Variants in PAK3 observed in about 807,000 individuals in gnomAD.
PAK3 encodes the protein p21 (RAC1) activated kinase 3.
In PAK3, 4 loss-of-function variants were observed where a neutral mutation model predicts 41.0. The observed-to-expected ratio is 0.10, with a 90% CI of 0.05 to 0.22. The LOEUF is 0.22. Ranked by LOEUF, PAK3 falls within the 10% of genes least tolerant of loss-of-function variation. The probability of loss-of-function intolerance (pLI) is 1.00; values close to 1 mark genes in which losing one functional copy is unlikely to be tolerated. For synonymous variants in PAK3, 146 were observed against 139.6 expected, an observed-to-expected ratio of 1.05 and a Z score of -0.32; for missense variants, 205 against 409.9, an observed-to-expected ratio of 0.50 and a Z score of 4.32.
At chrX:111,032,796 G>A (rs776584351) in intron 1 of PAK3, among the ~76,000 whole-genome samples, 2 of 110,512 alleles carry the variant, frequency 1.8e-5, no homozygotes, top group East Asian at 2.9e-4. Context: ...GTCAGCTCAC[G>A]GGTAACTCAG....
chrX:111,131,269 C>T (rs1487276978), intron 5 of PAK3, among the ~76,000 whole-genome samples: 1 of 110,952 alleles, frequency 9.0e-6, no homozygotes, highest in Admixed American at 9.6e-5. Context: ...AGTGGTGCAC[C>T]TATCATCCCT....
In PAK3 at chrX:111,163,591, T is replaced by C; in HGVS notation, c.630T>C (p.Ile210=). 8.3e-7 allele frequency: 1 copy of C among 1,206,413 alleles called. No homozygotes were observed. Residue 210 remains isoleucine, a synonymous_variant, in exon 10 of 18, where the codon ATT becomes ATC. Coordinates refer to ENST00000372007, the MANE Select transcript of PAK3 (RefSeq NM_002578.5). ...ATACTCGTTCTGTGGTTGAATCCATTGCTTCACCAGCAGTACCAAATAAAG... is the reference window on the plus strand; with the variant it reads ...ATACTCGTTCTGTGGTTGAATCCATCGCTTCACCAGCAGTACCAAATAAAG... The part of the protein sequence containing the change: ...SIYTRSVVES[I]ASPAVPNKEV...
rs887972295 is a variant in PAK3 at position 111,225,478 on chromosome X, A to G, written c.*5031A>G. On this transcript the variant is annotated 3_prime_UTR_variant, in exon 18 of 18. Transcript: ENST00000372007. ...ATCGGAGTCTCCTTTAGAAGCTGCC[A>G]TCAGGCAAATGCTATCCCATAATAC... 1.8e-5 allele frequency: 2 copies of G among 112,175 alleles called. No individual in the cohort carries two copies. Among genetic ancestry groups the G allele is most frequent in the East Asian group, 5.7e-4 (2 of 3,536 alleles). 9.2% of individuals were successfully genotyped at this position (112,175 alleles called of 1,213,427 possible). A position where few individuals can be genotyped will look rare whatever the true frequency, so the allele number is the denominator to read the frequency against.
At chrX:111,145,061 A>G (rs1234527833) in intron 6 of PAK3, 6 of 360,246 alleles carry the variant, frequency 1.7e-5, no homozygotes, top group Admixed American at 1.3e-4. Context: ...ACAGTCAGAC[A>G]TTGATATGTG....
At chrX:111,027,374 A>G (rs1244379532) in intron 1 of PAK3, among the ~76,000 whole-genome samples, 2 of 112,458 alleles carry the variant, frequency 1.8e-5, no homozygotes, top group African/African-American at 6.5e-5. Flanking sequence ...AGCAGAGTTA[A>G]CAGACAACCC....
intron 1 of PAK3, among the ~76,000 whole-genome samples, chrX:111,084,333 T>C (rs1159282199): frequency 1.8e-5 from 2 of 112,835 alleles, no homozygotes; most frequent in African/African-American, 6.4e-5. Context: ...CATCACTCTT[T>C]TGTGAATGTG....
chrX:111,071,094 A>C (rs754049041), intron 1 of PAK3, among the ~76,000 whole-genome samples: 2 of 112,325 alleles, frequency 1.8e-5, no homozygotes, highest in Non-Finnish European at 3.8e-5. Flanking sequence ...TATTGTTTCC[A>C]GTGATATTTC....
At chrX:111,040,517 CAGAGTGGTTAAG>C (rs2092443134) in intron 1 of PAK3, among the ~76,000 whole-genome samples, 1 of 111,596 alleles carries the variant, frequency 9.0e-6, no homozygotes, top group Non-Finnish European at 1.9e-5. Flanking sequence ...AGCAGTATGA[CAGAGTGGTTAAG>C]AATGTATGAC....
intron 1 of PAK3, among the ~76,000 whole-genome samples, chrX:111,052,944 A>G (rs2092572303): frequency 8.9e-6 from 1 of 112,426 alleles, no homozygotes; most frequent in South Asian, 3.7e-4. Context: ...GCCATATTAT[A>G]TATGTTATTA....
In PAK3 at chrX:111,163,567, T is replaced by C; in HGVS notation, c.606T>C (p.Tyr202=). The C allele has an allele frequency of 8.3e-7, 1 of 1,203,008 alleles. No individual in the cohort carries two copies. The highest frequency in any genetic ancestry group is 1.7e-5 in the African/African-American group (1 of 57,607). Residue 202 remains tyrosine (Y), a synonymous_variant, in exon 10 of 18, where the codon TAT becomes TAC. Coordinates refer to ENST00000372007, the MANE Select transcript of PAK3 (RefSeq NM_002578.5). The part of the protein sequence containing the change: ...APRPEHTKSI[Y]TRSVVESIAS... ...GAGCTTTTTGGTTTTTTTAGATCTA[T>C]ACTCGTTCTGTGGTTGAATCCATTG... is the stretch of plus-strand genomic sequence containing the variant.
At chrX:111,022,353 A>G (rs1176509062) in intron 1 of PAK3, among the ~76,000 whole-genome samples, 1 of 112,092 alleles carries the variant, frequency 8.9e-6, no homozygotes, top group Non-Finnish European at 1.9e-5. Context: ...TATAAGCTAG[A>G]AGGGTTTGGC....
chrX:111,197,996 C>A (rs1484807553), intron 16 of PAK3, among the ~76,000 whole-genome samples: 1 of 111,960 alleles, frequency 8.9e-6, no homozygotes, highest in Non-Finnish European at 1.9e-5. Flanking sequence ...AACCTAGCCC[C>A]TTTTTGACTT....
chrX:111,037,793 A>T (rs1219709169), intron 1 of PAK3, among the ~76,000 whole-genome samples: 2 of 111,608 alleles, frequency 1.8e-5, no homozygotes, highest in Non-Finnish European at 3.8e-5. Flanking sequence ...CATTTTCAAT[A>T]TTTAAAAAAC....
intron 1 of PAK3, among the ~76,000 whole-genome samples, chrX:111,039,278 C>T (rs1160614657): frequency 8.9e-6 from 1 of 112,297 alleles, no homozygotes; most frequent in Non-Finnish European, 1.9e-5. Context: ...ATTTGATTGA[C>T]AAGAGGCTTT....
At chrX:111,016,130 T>C (rs1364816402) in intron 1 of PAK3, among the ~76,000 whole-genome samples, 1 of 112,717 alleles carries the variant, frequency 8.9e-6, no homozygotes, top group African/African-American at 3.2e-5. Flanking sequence ...CTCACGAATA[T>C]GTACCAACCA....
At chrX:111,040,853 G>A (rs1259273370) in intron 1 of PAK3, among the ~76,000 whole-genome samples, 3 of 112,142 alleles carry the variant, frequency 2.7e-5, no homozygotes, top group East Asian at 5.6e-4. Context: ...CCTGGGTGGG[G>A]GTAGTCGAGA....
intron 1 of PAK3, among the ~76,000 whole-genome samples, chrX:111,049,602 A>G (rs1263280896): frequency 2.7e-5 from 3 of 112,204 alleles, no homozygotes; most frequent in Non-Finnish European, 5.6e-5. Flanking sequence ...ATCCCACCCA[A>G]ATTGCATTTA....
At chrX:111,057,522 A>T (rs776827177) in intron 1 of PAK3, among the ~76,000 whole-genome samples, 1 of 111,842 alleles carries the variant, frequency 8.9e-6, no homozygotes, top group East Asian at 2.8e-4. Context: ...ACAATATCTT[A>T]TCATACCTAC....
At chrX:111,093,778 C>A (rs1432473214), upstream of PAK3, among the ~76,000 whole-genome samples, 2 of 111,843 alleles carry the variant, frequency 1.8e-5, no homozygotes, top group Admixed American at 1.9e-4. Context: ...TTTAAATAAC[C>A]ATGTGTGGTG....
Sources: allele counts gnomAD v4.1 joint callset (sites outside exome capture counted in the v4.1 genomes callset), GRCh38; gene constraint gnomAD v4.1.1; transcripts MANE v1.5; gene names NCBI Gene and HGNC (gene_info 2026-07-23, HGNC 2026-07-21).